Variants in ZPBP observed in about 807,000 individuals in gnomAD.
ZPBP encodes the protein zona pellucida-binding protein 1.
A neutral mutation model predicts 44.8 loss-of-function variants in ZPBP; 26 were observed. That is an observed-to-expected ratio of 0.58 (90% CI 0.43 to 0.81). The LOEUF is 0.81. ZPBP is among the 30% of genes least tolerant of loss of function. The probability of loss-of-function intolerance (pLI) is 0.00; values close to 1 mark genes in which losing one functional copy is unlikely to be tolerated. For missense variants in ZPBP, 409 were observed against 434.0 expected (o/e 0.94, Z 0.51); for synonymous variants, 174 against 153.2 (o/e 1.14, Z -1.00).
At chr7:49,962,894 T>C (rs1466214606) in intron 7 of ZPBP, among the ~76,000 whole-genome samples, 1 of 151,572 alleles carries the variant, frequency 6.6e-6, no homozygotes, top group African/African-American at 2.4e-5. Context: ...AAGAAAAAAT[T>C]TGAGAAACTT....
intron 2 of ZPBP, among the ~76,000 whole-genome samples, chr7:49,858,170 C>A (rs1562735621): frequency 1.3e-5 from 2 of 152,124 alleles, no homozygotes. Context: ...TGCTTCCTGG[C>A]TTTTTAATGA....
chr7:49,986,579 G>A (rs1376590821), intron 6 of ZPBP, among the ~76,000 whole-genome samples: 2 of 152,256 alleles, frequency 1.3e-5, no homozygotes, highest in African/African-American at 2.4e-5. Flanking sequence ...AGAACCATTC[G>A]CATAAGAATA....
intron 1 of ZPBP, chr7:50,092,799 T>G: frequency 2.5e-5 from 9 of 360,586 alleles, no homozygotes; most frequent in Non-Finnish European, 3.9e-5. Context: ...AATTGGGGAG[T>G]TTATCAACAA....
chr7:49,991,756 TA>T (rs1797582590), intron 6 of ZPBP, among the ~76,000 whole-genome samples: 1 of 151,980 alleles, frequency 6.6e-6, no homozygotes, highest in African/African-American at 2.4e-5. Context: ...AGTGGGCAGG[TA>T]GAAATGAAAT....
At chr7:49,947,328 C>T (rs1379682492) in intron 7 of ZPBP, among the ~76,000 whole-genome samples, 1 of 151,972 alleles carries the variant, frequency 6.6e-6, no homozygotes, top group Non-Finnish European at 1.5e-5. Context: ...TTTTATGTAC[C>T]CATCCTCCCT....
intron 1 of ZPBP, among the ~76,000 whole-genome samples, chr7:49,902,777 AT>A (rs1263783625): frequency 6.6e-6 from 1 of 152,066 alleles, no homozygotes; most frequent in South Asian, 2.1e-4. Context: ...GAAATATAAA[AT>A]TTTTTTGAAA....
chr7:50,088,908 C>A (rs1242329191), intron 2 of ZPBP, among the ~76,000 whole-genome samples: 1 of 149,754 alleles, frequency 6.7e-6, no homozygotes, highest in Non-Finnish European at 1.5e-5. Flanking sequence ...TTATCCCACC[C>A]TAAAAAGGAA....
At chr7:49,900,984 A>G (rs1400398461) in intron 2 of ZPBP, 1 of 151,802 alleles carries the variant, frequency 6.6e-6, no homozygotes, top group African/African-American at 2.4e-5. Flanking sequence ...AAAAATCACG[A>G]TGATATCAGT....
chr7:49,998,068 C>T (rs966970561), intron 6 of ZPBP, among the ~76,000 whole-genome samples: 1 of 152,162 alleles, frequency 6.6e-6, no homozygotes, highest in Admixed American at 6.5e-5. Flanking sequence ...CAGGCGCACG[C>T]CACCACGCCC....
At chr7:49,875,994 T>C (rs116999722) in intron 2 of ZPBP, among the ~76,000 whole-genome samples, 5,016 of 152,282 alleles carry the variant, frequency 0.033, 323 homozygotes, top group Admixed American at 0.16. Context: ...ACACTTATTC[T>C]GTACTGTGAA....
At chr7:49,970,756 T>G (rs747472664) in intron 7 of ZPBP, among the ~76,000 whole-genome samples, 2 of 151,668 alleles carry the variant, frequency 1.3e-5, no homozygotes, top group African/African-American at 2.4e-5. Flanking sequence ...GGCTCACACC[T>G]GTAATTCCAG....
At chr7:50,044,547 C>A (rs776228176) in intron 4 of ZPBP, among the ~76,000 whole-genome samples, 57 of 152,138 alleles carry the variant, frequency 3.7e-4, no homozygotes, top group Admixed American at 2.0e-4. Context: ...CACCTCTAGG[C>A]AAATAAACTA....
intron 7 of ZPBP, among the ~76,000 whole-genome samples, chr7:49,965,592 T>C (rs971159495): frequency 6.6e-6 from 1 of 152,030 alleles, no homozygotes; most frequent in African/African-American, 2.4e-5. Flanking sequence ...CTGGAAATGG[T>C]AGTTACATGA....
intron 2 of ZPBP, among the ~76,000 whole-genome samples, chr7:49,871,485 G>A (rs892239120): frequency 6.6e-6 from 1 of 152,156 alleles, no homozygotes; most frequent in Non-Finnish European, 1.5e-5. Flanking sequence ...CTAAATCAGT[G>A]ACTTTGTTAC....
chr7:49,855,513 A>G (rs576834679), intron 2 of ZPBP, among the ~76,000 whole-genome samples: 2 of 152,240 alleles, frequency 1.3e-5, no homozygotes, highest in East Asian at 3.9e-4. Context: ...TGTTGTGGAG[A>G]GAGGTAAGGA....
chr7:50,021,668 C>T (rs908402659), intron 5 of ZPBP, among the ~76,000 whole-genome samples: 5 of 151,880 alleles, frequency 3.3e-5, no homozygotes, highest in African/African-American at 1.2e-4. Context: ...TAAATAGAAT[C>T]CACATAGGGT....
intron 3 of ZPBP, among the ~76,000 whole-genome samples, chr7:50,063,119 T>C (rs558948952): frequency 3.7e-4 from 56 of 152,352 alleles, no homozygotes; most frequent in Admixed American, 9.1e-4. Flanking sequence ...AGTTTATCTG[T>C]CTGGTGACCT....
chr7:49,991,870 T>C (rs1314730131), intron 6 of ZPBP, among the ~76,000 whole-genome samples: 1 of 151,534 alleles, frequency 6.6e-6, no homozygotes, highest in East Asian at 1.9e-4. Flanking sequence ...AGATTTTGTG[T>C]AGACACATTT....
At chr7:50,037,005 GA>G (rs1375579354) in intron 4 of ZPBP, among the ~76,000 whole-genome samples, 1 of 151,814 alleles carries the variant, frequency 6.6e-6, no homozygotes, top group Non-Finnish European at 1.5e-5. Context: ...AATATATAAA[GA>G]AAAAACAAAT....
Sources: gnomAD v4.1 joint callset for allele counts (sites outside exome capture counted in the v4.1 genomes callset) on GRCh38, gnomAD v4.1.1 for gene constraint, MANE v1.5 for transcripts, NCBI Gene and HGNC (gene_info 2026-07-23, HGNC 2026-07-21) for gene names.